PRDM16: variants seen among roughly 807,000 people sequenced by gnomAD.
PRDM16 encodes PR/SET domain 16.
Under a neutral mutation model 110.6 loss-of-function variants are expected in PRDM16, and 23 were observed. That is an observed-to-expected ratio of 0.21 (90% confidence interval 0.15 to 0.29). The LOEUF (loss-of-function observed/expected upper bound fraction) is 0.29, where lower values mean the gene tolerates loss of function less well. Among genes scored for constraint, PRDM16 ranks in the 10% least tolerant of loss-of-function variants. PRDM16 has a pLI of 1.00. For missense variants in PRDM16, 1,615 were observed against 1,794.3 expected (o/e 0.90, Z 1.81); for synonymous variants, 799 against 781.8 (o/e 1.02, Z -0.37).
At chr1:3,393,618 G>C (rs545597143) in intron 4 of PRDM16, among the ~76,000 whole-genome samples, 1 of 152,210 alleles carries the variant, frequency 6.6e-6, no homozygotes, top group African/African-American at 2.4e-5. Flanking sequence ...GGCCGGCCCG[G>C]TCTTTGTCCC....
At chr1:3,279,965 A>G (rs1370805271) in intron 3 of PRDM16, among the ~76,000 whole-genome samples, 2 of 151,084 alleles carry the variant, frequency 1.3e-5, no homozygotes, top group Non-Finnish European at 2.9e-5. Flanking sequence ...ACAAAACCTC[A>G]TGGAATCCCG....
chr1:3,225,837 C>T (rs371065379), intron 2 of PRDM16, among the ~76,000 whole-genome samples: 2 of 152,318 alleles, frequency 1.3e-5, no homozygotes, highest in South Asian at 4.1e-4. Flanking sequence ...CTCCTGGGGA[C>T]GGAGCCGCCG....
chr1:3,224,041 T>C (rs920040915), intron 2 of PRDM16, among the ~76,000 whole-genome samples: 2 of 152,170 alleles, frequency 1.3e-5, no homozygotes, highest in African/African-American at 4.8e-5. Context: ...AGGGAAGCTA[T>C]TGTGTCAGGT....
chr1:3,073,808 C>G (rs921099395), intron 1 of PRDM16, among the ~76,000 whole-genome samples: 2 of 152,108 alleles, frequency 1.3e-5, no homozygotes, highest in African/African-American at 4.8e-5. Context: ...GCGGGAGCGG[C>G]GCTCTCCCCT....
Position 3,311,279 on chromosome 1 carries a change from G to C in PRDM16, c.438+67142G>C, listed in dbSNP as rs575622853. Among the ~76,000 whole-genome samples the C allele has an allele frequency of 3.9e-3, 600 of 152,358 alleles. 3 individuals carry two copies. Among genetic ancestry groups the C allele is most frequent in the Non-Finnish European group, 5.3e-3 (360 of 68,038 alleles). On this transcript the variant is annotated intron_variant, in intron 3 of 16. Coordinates refer to ENST00000270722, the MANE Select transcript of PRDM16 (RefSeq NM_022114.4). Reference sequence around the variant, plus strand: ...TTTGTTGTTGTTCCCGGTGGGCCTCGGCTCACTCTTTTGCCTTCTTTCACT... The same window carrying C: ...TTTGTTGTTGTTCCCGGTGGGCCTCCGCTCACTCTTTTGCCTTCTTTCACT...
rs1009766971 is a variant in PRDM16 at position 3,209,548 on chromosome 1, A to T, written c.387+23074A>T. Among the ~76,000 whole-genome samples, 3 of 152,138 alleles carry T rather than the reference A, an allele frequency of 2.0e-5. No individual in the cohort carries two copies. Among genetic ancestry groups the T allele is most frequent in the Admixed American group, 2.0e-4 (3 of 15,278 alleles). On this transcript the variant is annotated intron_variant, in intron 2 of 16. Transcript: ENST00000270722. The surrounding 1 kb of genome is among the most constrained non-coding windows in gnomAD (Gnocchi z 4.6). ...GGAGGCCGTGGTTCTGCTCCTGCACATTTCCAAAGGAAGCTCCCTGTGGGT... is the reference window on the plus strand; with the variant it reads ...GGAGGCCGTGGTTCTGCTCCTGCACTTTTCCAAAGGAAGCTCCCTGTGGGT...
chr1:3,364,425 G>A (rs1009963133), intron 3 of PRDM16, among the ~76,000 whole-genome samples: 3 of 152,146 alleles, frequency 2.0e-5, no homozygotes, highest in Non-Finnish European at 4.4e-5. Flanking sequence ...CTCTTGAAGC[G>A]CTCAGAGGTT....
Position 3,109,277 on chromosome 1 carries a change from C to T in PRDM16, c.37+39981C>T, listed in dbSNP as rs1043643300. 1.3e-5 allele frequency among the ~76,000 whole-genome samples: 2 copies of T among 152,094 alleles called. 1 individual carries two copies. Among genetic ancestry groups the T allele is most frequent in the Non-Finnish European group, 2.9e-5 (2 of 68,026 alleles). The stretch of plus-strand genomic sequence containing the variant: ...TTGCAGGTGGGTGGGCTGCCACCAG[C>T]TCCTTCGACTGGACCAAATGCCGTG... On this transcript the variant is annotated intron_variant, in intron 1 of 16. Coordinates refer to ENST00000270722, the MANE Select transcript of PRDM16 (RefSeq NM_022114.4).
In PRDM16 at chr1:3,080,966, G is replaced by GT. The variant is rs1359991690; in HGVS notation, c.37+11671dup. Among the ~76,000 whole-genome samples, 1 of 151,526 alleles carries GT rather than the reference G, an allele frequency of 6.6e-6. No individual in the cohort carries two copies. Among genetic ancestry groups the GT allele is most frequent in the East Asian group, 2.0e-4 (1 of 5,108 alleles). On this transcript the variant is annotated intron_variant, in intron 1 of 16. Transcript: ENST00000270722. The surrounding 1 kb of genome is among the most constrained non-coding windows in gnomAD (Gnocchi z 5.2). Reference sequence around the variant, plus strand: ...TAGAGGGGGTGGCGGGGCGGGGGGGGTCTGCACATTCCGCCGAGTGTCCTC... The same window carrying GT: ...TAGAGGGGGTGGCGGGGCGGGGGGGGTTCTGCACATTCCGCCGAGTGTCCTC...
chr1:3,395,594 C>A (rs1433398889), intron 4 of PRDM16, among the ~76,000 whole-genome samples: 1 of 152,202 alleles, frequency 6.6e-6, no homozygotes, highest in African/African-American at 2.4e-5. Flanking sequence ...CACCTGCCGC[C>A]AGACACTCCC....
chr1:3,260,727 A>G (rs368276709), intron 3 of PRDM16, among the ~76,000 whole-genome samples: 2 of 137,328 alleles, frequency 1.5e-5, no homozygotes, highest in Non-Finnish European at 3.1e-5. Flanking sequence ...GATGACGGTG[A>G]TGGTGATGGT....
intron 1 of PRDM16, among the ~76,000 whole-genome samples, chr1:3,091,680 T>C (rs1196244377): frequency 1.3e-5 from 2 of 152,176 alleles, no homozygotes; most frequent in Non-Finnish European, 2.9e-5. Flanking sequence ...CCAGCAGCTG[T>C]GCTGTGCTCC....
At chr1:3,360,210 T>G (rs1445679002) in intron 3 of PRDM16, among the ~76,000 whole-genome samples, 1 of 152,242 alleles carries the variant, frequency 6.6e-6, no homozygotes. Flanking sequence ...GCAGCTCGAA[T>G]GCAGCTGAGG....
chr1:3,184,099 C>T (rs915793031), intron 1 of PRDM16, among the ~76,000 whole-genome samples: 11 of 151,932 alleles, frequency 7.2e-5, no homozygotes, highest in African/African-American at 2.4e-4. Flanking sequence ...GGGGGAGGAA[C>T]AGCAGCGGCA....
chr1:3,278,035 G>A (rs1640630698), intron 3 of PRDM16, among the ~76,000 whole-genome samples: 1 of 152,194 alleles, frequency 6.6e-6, no homozygotes, highest in South Asian at 2.1e-4. Flanking sequence ...GCAGGGCAGG[G>A]GCTTGTAACC....
At chr1:3,159,107 G>A (rs755639335) in intron 1 of PRDM16, among the ~76,000 whole-genome samples, 29 of 152,224 alleles carry the variant, frequency 1.9e-4, no homozygotes, top group Non-Finnish European at 3.8e-4. Flanking sequence ...GTGAGCCCCT[G>A]ATCGGTATTC....
chr1:3,297,895 G>A (rs939895687), intron 3 of PRDM16, among the ~76,000 whole-genome samples: 5 of 150,796 alleles, frequency 3.3e-5, no homozygotes, highest in South Asian at 2.1e-4. Context: ...GGCAAGCTCC[G>A]CAGGGGCCAG....
chr1:3,147,997 C>T lies in PRDM16; in HGVS notation c.38-38128C>T, dbSNP rs143746059. On this transcript the variant is annotated intron_variant, in intron 1 of 16. Coordinates refer to ENST00000270722, the MANE Select transcript of PRDM16 (RefSeq NM_022114.4). Reference sequence around the variant, plus strand: ...ACCCCATTCTCTGAACCCCATCCTGCGGCAAACCCCATCCTGCTGCTCACC... The same window carrying T: ...ACCCCATTCTCTGAACCCCATCCTGTGGCAAACCCCATCCTGCTGCTCACC... Among the ~76,000 whole-genome samples, 171 of 149,738 alleles carry T rather than the reference C, an allele frequency of 1.1e-3. 1 individual carries two copies. Among genetic ancestry groups the T allele is most frequent in the African/African-American group, 4.1e-3 (163 of 39,434 alleles).
At chr1:3,273,817 AGTGT>A (rs57550885) in intron 3 of PRDM16, among the ~76,000 whole-genome samples, 22,670 of 136,944 alleles carry the variant, frequency 0.17, 1,834 homozygotes, top group Admixed American at 0.28. Flanking sequence ...TAGGCATGTA[AGTGT>A]GTGTGTGTGT....
Sources: gnomAD v4.1 joint callset for allele counts (sites outside exome capture counted in the v4.1 genomes callset) on GRCh38, gnomAD v4.1.1 for gene constraint, Gnocchi (gnomAD v3.1) non-coding constraint, MANE v1.5 for transcripts, NCBI Gene and HGNC (gene_info 2026-07-23, HGNC 2026-07-21) for gene names.